The following NDST4 variants were observed in gnomAD, a reference collection of about 807,000 sequenced individuals.
NDST4 encodes N-deacetylase and N-sulfotransferase 4.
In NDST4, 63 loss-of-function variants were observed where a neutral mutation model predicts 100.8. The observed-to-expected ratio is 0.62, with a 90% CI of 0.51 to 0.77. The LOEUF is 0.77. Ranked by LOEUF, NDST4 falls within the 30% of genes least tolerant of loss-of-function variation. The probability of loss-of-function intolerance (pLI) is 0.00; values close to 1 mark genes in which losing one functional copy is unlikely to be tolerated. For synonymous variants in NDST4, 377 were observed against 361.8 expected, an observed-to-expected ratio of 1.04 and a Z score of -0.48; for missense variants, 943 against 1,018.4, an observed-to-expected ratio of 0.93 and a Z score of 1.01.
chr4:114,993,856 A>G (rs279507), intron 2 of NDST4, among the ~76,000 whole-genome samples: 52,117 of 151,774 alleles, frequency 0.34, 9,077 homozygotes, highest in Middle Eastern at 0.49. Flanking sequence ...TTCATGATTC[A>G]TAAGTGATCA....
At chr4:115,080,550 A>C (rs1729279422) in intron 1 of NDST4, among the ~76,000 whole-genome samples, 1 of 152,192 alleles carries the variant, frequency 6.6e-6, no homozygotes, top group Non-Finnish European at 1.5e-5. Flanking sequence ...ATACAGCAAT[A>C]AAAAGGCTTT....
intron 6 of NDST4, among the ~76,000 whole-genome samples, chr4:114,922,332 AGCAT>A (rs1411767493): frequency 6.6e-6 from 1 of 152,134 alleles, no homozygotes; most frequent in Non-Finnish European, 1.5e-5. Flanking sequence ...ACCTCAAGTG[AGCAT>A]GCATATAGCT....
chr4:115,022,903 C>T (rs1727889435), intron 2 of NDST4, among the ~76,000 whole-genome samples: 1 of 152,216 alleles, frequency 6.6e-6, no homozygotes, highest in South Asian at 2.1e-4. Context: ...TTGAGGCCCC[C>T]TCAGCCACGT....
chr4:115,001,329 T>C (rs1727285064), intron 2 of NDST4, among the ~76,000 whole-genome samples: 1 of 152,088 alleles, frequency 6.6e-6, no homozygotes, highest in African/African-American at 2.4e-5. Flanking sequence ...AGGTATGTAA[T>C]TATTCAGAAG....
At chr4:115,090,575 C>G (rs894212824) in intron 1 of NDST4, among the ~76,000 whole-genome samples, 3 of 151,526 alleles carry the variant, frequency 2.0e-5, no homozygotes, top group Non-Finnish European at 4.4e-5. Flanking sequence ...GAAATAATAA[C>G]CTGTCTATCG....
Position 114,839,370 on chromosome 4 carries a change from G to C in NDST4, c.2286+8C>G, listed in dbSNP as rs1354264298. On this transcript the variant is annotated splice_region_variant and intron_variant, in intron 11 of 13. Transcript: ENST00000264363. The stretch of plus-strand genomic sequence containing the variant: ...AATAAACAGAAGAAAGTAATTTCAG[G>C]ACATTACCTGAGAAGTAGCAAAGTA... 1.9e-6 allele frequency: 3 copies of C among 1,601,916 alleles called. No individual in the cohort carries two copies. The highest frequency in any genetic ancestry group is 2.2e-5 in the East Asian group (1 of 44,696).
chr4:114,894,444 G>C (rs555139818), intron 6 of NDST4, among the ~76,000 whole-genome samples: 61 of 152,130 alleles, frequency 4.0e-4, no homozygotes, highest in Non-Finnish European at 7.2e-4. Flanking sequence ...TCTCTTTGAA[G>C]AGGTCATTAC....
At chr4:115,022,129 T>C (rs60788355) in intron 2 of NDST4, among the ~76,000 whole-genome samples, 29,636 of 106,910 alleles carry the variant, frequency 0.28, 4,147 homozygotes, top group African/African-American at 0.41. Flanking sequence ...CATATATATA[T>C]ACGTTCCACG....
intron 6 of NDST4, among the ~76,000 whole-genome samples, chr4:114,888,199 C>G (rs72899270): frequency 0.09 from 13,589 of 151,212 alleles, 1,788 homozygotes; most frequent in African/African-American, 0.29. Context: ...GAGACTCTAT[C>G]TCAAAATAAA....
At chr4:114,853,143 T>G (rs1723715955) in intron 7 of NDST4, among the ~76,000 whole-genome samples, 1 of 152,152 alleles carries the variant, frequency 6.6e-6, no homozygotes, top group Admixed American at 6.5e-5. Context: ...TTAACCTGGT[T>G]TCATCATAGT....
At chr4:115,079,084 G>T (rs1479917463) in intron 1 of NDST4, among the ~76,000 whole-genome samples, 1 of 151,844 alleles carries the variant, frequency 6.6e-6, no homozygotes, top group African/African-American at 2.4e-5. Flanking sequence ...AGGCACGGTG[G>T]CTCAGGCCTG....
intron 1 of NDST4, among the ~76,000 whole-genome samples, chr4:115,093,461 C>A (rs978472742): frequency 3.3e-5 from 5 of 151,556 alleles, no homozygotes; most frequent in African/African-American, 1.2e-4. Context: ...GGTGACAGAG[C>A]AAGACTCCGT....
At chr4:114,933,432 C>CTTTTTTTTTTTTTTTTTTCT (rs1553955185) in intron 6 of NDST4, among the ~76,000 whole-genome samples, 2 of 89,248 alleles carry the variant, frequency 2.2e-5, no homozygotes, top group East Asian at 4.4e-4. Flanking sequence ...TTTTCTTTTC[C>CTTTTTTTTTTTTTTTTTTCT]TTTTTTTTTT....
At chr4:115,054,570 T>A (rs555927020) in intron 2 of NDST4, among the ~76,000 whole-genome samples, 1 of 152,172 alleles carries the variant, frequency 6.6e-6, no homozygotes, top group African/African-American at 2.4e-5. Context: ...GATTTTAACA[T>A]ATATAAGACA....
intron 2 of NDST4, among the ~76,000 whole-genome samples, chr4:115,073,456 C>T (rs1383196850): frequency 6.6e-6 from 1 of 151,866 alleles, no homozygotes; most frequent in African/African-American, 2.4e-5. Context: ...AAATGGGGTA[C>T]ATATACACAA....
At position 114,935,187 on chromosome 4, in the gene NDST4, G is replaced by C. The variant is rs746752295; in HGVS notation, c.1536+19C>G. On this transcript the variant is annotated intron_variant, in intron 6 of 13. Transcript: ENST00000264363. ...AAAAATGCTAATCTTATTGTAAGGT[G>C]CATACATAGAATACATACTGGGTTT... 1.3e-6 allele frequency: 2 copies of C among 1,568,164 alleles called. No homozygotes were observed. The highest frequency in any genetic ancestry group is 1.7e-6 in the Non-Finnish European group (2 of 1,159,608).
At chr4:114,987,161 C>T (rs1024648120) in intron 2 of NDST4, among the ~76,000 whole-genome samples, 3 of 151,742 alleles carry the variant, frequency 2.0e-5, no homozygotes, top group Non-Finnish European at 4.4e-5. Context: ...AATCAAATAG[C>T]CAAGAATAAC....
chr4:114,888,817 C>T (rs553525671), intron 6 of NDST4, among the ~76,000 whole-genome samples: 4 of 152,226 alleles, frequency 2.6e-5, no homozygotes, highest in Non-Finnish European at 5.9e-5. Flanking sequence ...AGCATTTCTT[C>T]GGTTGAGACC....
intron 4 of NDST4, among the ~76,000 whole-genome samples, chr4:114,951,977 C>T (rs1725999250): frequency 6.6e-6 from 1 of 152,002 alleles, no homozygotes; most frequent in Non-Finnish European, 1.5e-5. Context: ...ATTAAGTATC[C>T]CCAAGTACAT....
Sources: allele counts gnomAD v4.1 joint callset (sites outside exome capture counted in the v4.1 genomes callset), GRCh38; gene constraint gnomAD v4.1.1; transcripts MANE v1.5; gene names NCBI Gene and HGNC (gene_info 2026-07-23, HGNC 2026-07-21).